MEGF11: variants seen among roughly 807,000 people sequenced by gnomAD.
The protein encoded by MEGF11 is multiple EGF like domains 11, also known as multiple epidermal growth factor-like domains protein 11.
Under a neutral mutation model 146.6 loss-of-function variants are expected in MEGF11, and 126 were observed. The ratio of observed to expected loss-of-function variants is 0.86; its 90% confidence interval spans 0.74 to 1.00. The LOEUF is 1.00. MEGF11 is among the 50% of genes least tolerant of loss of function. The pLI is 0.00. For missense variants in MEGF11, 1,509 were observed against 1,521.2 expected, an observed-to-expected ratio of 0.99 and a Z score of 0.13; for synonymous variants, 532 against 583.4, an observed-to-expected ratio of 0.91 and a Z score of 1.27.
intron 21 of MEGF11, 173 bp from the exon 22 acceptor site, chr15:65,909,979 G>C (rs1484738850): frequency 4.3e-6 from 3 of 703,164 alleles, no homozygotes; most frequent in Admixed American, 4.0e-5. Flanking sequence ...ACCATGGTGT[G>C]GTTGATGCTA....
At chr15:65,942,974 CTTTTTTTTT>C (rs58874869) in intron 10 of MEGF11, among the ~76,000 whole-genome samples, 1,841 of 47,670 alleles carry the variant, frequency 0.039, 66 homozygotes, top group African/African-American at 0.14. Context: ...AACAACTTGG[CTTTTTTTTT>C]TTTTTTTTTT....
intron 10 of MEGF11, among the ~76,000 whole-genome samples, chr15:65,939,640 G>A (rs1170166233): frequency 1.3e-5 from 2 of 151,954 alleles, no homozygotes; most frequent in Non-Finnish European, 1.5e-5. Context: ...CATTACAGGC[G>A]CATGCCACCA....
At position 65,909,765 on chromosome 15, in the gene MEGF11, GGTCC is replaced by G; in HGVS notation, c.2867_2870del (p.Trp956SerfsTer6). 6.3e-7 allele frequency: 1 copy of G among 1,585,004 alleles called. No homozygotes were observed. The highest frequency in any genetic ancestry group is 8.5e-7 in the Non-Finnish European group (1 of 1,173,362). ...CTAACACGTTCACATAGCTGTAGGG[GGTCC>G]AGCCTGCTGTGTCTCTGTCAAGGGA... On this transcript the variant is annotated frameshift_variant, in exon 22 of 26. Transcript: ENST00000395614. LOFTEE classifies it high-confidence loss of function.
At chr15:65,945,575 ATCACAGCCCTCAGAGGGCAG>A (rs1235948747) in intron 10 of MEGF11, among the ~76,000 whole-genome samples, 1 of 152,156 alleles carries the variant, frequency 6.6e-6, no homozygotes, top group East Asian at 1.9e-4. Context: ...CGGTGGCACC[ATCACAGCCCTCAGAGGGCAG>A]TGAGAGCACA....
chr15:66,101,007 G>A (rs1394587580), intron 4 of MEGF11, among the ~76,000 whole-genome samples: 2 of 144,828 alleles, frequency 1.4e-5, no homozygotes, highest in Admixed American at 1.4e-4. Flanking sequence ...GGGTGGATGG[G>A]CACGTGGGTG....
At chr15:66,193,786 A>G (rs1424701643) in intron 1 of MEGF11, among the ~76,000 whole-genome samples, 2 of 152,004 alleles carry the variant, frequency 1.3e-5, no homozygotes, top group Admixed American at 6.6e-5. Context: ...AAACTAATAT[A>G]CAGCCATATA....
chr15:66,011,343 C>T (rs1462966203), intron 5 of MEGF11, among the ~76,000 whole-genome samples: 1 of 152,160 alleles, frequency 6.6e-6, no homozygotes, highest in Non-Finnish European at 1.5e-5. Context: ...AAGCCATTGC[C>T]CAGCTATGGG....
chr15:66,047,625 T>C (rs1019066824), intron 5 of MEGF11, among the ~76,000 whole-genome samples: 15 of 152,250 alleles, frequency 9.9e-5, no homozygotes, highest in Admixed American at 2.6e-4. Flanking sequence ...ATGTCCTTAC[T>C]GTTTTTAATC....
At chr15:66,042,679 A>G (rs527461094) in intron 5 of MEGF11, among the ~76,000 whole-genome samples, 360 of 152,300 alleles carry the variant, frequency 2.4e-3, no homozygotes, top group Middle Eastern at 6.8e-3. Context: ...CTGTTAGGGC[A>G]GTCCCTCCTC....
intron 11 of MEGF11, 84 bp from the exon 12 acceptor site, chr15:65,929,967 C>T: frequency 7.5e-7 from 1 of 1,326,128 alleles, no homozygotes; most frequent in South Asian, 1.4e-5. Flanking sequence ...CTGCACACAG[C>T]ATTCCACCCA....
At chr15:66,187,383 C>T (rs1191398043) in intron 1 of MEGF11, among the ~76,000 whole-genome samples, 1 of 152,194 alleles carries the variant, frequency 6.6e-6, no homozygotes, top group Non-Finnish European at 1.5e-5. Context: ...GCCCAGCTCC[C>T]TGTCCACTGG....
chr15:66,114,439 G>C (rs920467838), intron 4 of MEGF11, among the ~76,000 whole-genome samples: 1 of 152,208 alleles, frequency 6.6e-6, no homozygotes, highest in Admixed American at 6.5e-5. Flanking sequence ...GACGTTGTCT[G>C]TTACCGCAGC....
chr15:65,980,395 CTTTTTT>C (rs60154748), intron 7 of MEGF11, among the ~76,000 whole-genome samples: 37 of 88,196 alleles, frequency 4.2e-4, no homozygotes, highest in African/African-American at 7.9e-4. Context: ...AAGAATTCAG[CTTTTTT>C]TTTTTTTTTT....
chr15:66,182,050 G>A (rs185452583), intron 1 of MEGF11, among the ~76,000 whole-genome samples: 88 of 152,192 alleles, frequency 5.8e-4, no homozygotes, highest in Admixed American at 1.1e-3. Context: ...GTCATTGGGC[G>A]GCCCCCTCCC....
chr15:66,095,725 C>T (rs1348746987), intron 4 of MEGF11, among the ~76,000 whole-genome samples: 1 of 152,210 alleles, frequency 6.6e-6, no homozygotes, highest in Non-Finnish European at 1.5e-5. Flanking sequence ...CCCCACTGGT[C>T]AGTGGTCTGG....
intron 5 of MEGF11, among the ~76,000 whole-genome samples, chr15:66,065,148 T>G (rs931015234): frequency 6.6e-6 from 1 of 152,100 alleles, no homozygotes; most frequent in Non-Finnish European, 1.5e-5. Flanking sequence ...GATGCACCCA[T>G]TGTCAGAGCA....
Position 65,928,462 on chromosome 15 carries a change from G to A in MEGF11, c.1638C>T (p.Pro546=), listed in dbSNP as rs368624363. The A allele has an allele frequency of 1.7e-5, 28 of 1,603,196 alleles. No homozygotes were observed. The highest frequency in any genetic ancestry group is 8.0e-5 in the African/African-American group (6 of 74,792). ...CCAGGCAGCAGCAGTGGCCTGTGACGGGGTCACATCCATCAGCATGGCTGC... is the reference window on the plus strand; with the variant it reads ...CCAGGCAGCAGCAGTGGCCTGTGACAGGGTCACATCCATCAGCATGGCTGC... ...CDCSHADGCD[P]VTGHCCCLAG... Residue 546 remains proline, a synonymous_variant, in exon 13 of 26, where the codon CCC becomes CCT. Transcript: ENST00000395614.
intron 4 of MEGF11, among the ~76,000 whole-genome samples, chr15:66,113,256 A>G (rs2140875827): frequency 6.6e-6 from 1 of 151,866 alleles, no homozygotes; most frequent in East Asian, 1.9e-4. Context: ...GGGACAACCT[A>G]TGCTCCCCAA....
At chr15:65,947,308 C>T (rs910643672) in intron 10 of MEGF11, among the ~76,000 whole-genome samples, 53 of 152,150 alleles carry the variant, frequency 3.5e-4, no homozygotes, top group Middle Eastern at 3.4e-3. Flanking sequence ...GAAGCTTGAG[C>T]GCAGGGCTAG....
Sources: allele counts gnomAD v4.1 joint callset (sites outside exome capture counted in the v4.1 genomes callset), GRCh38; gene constraint gnomAD v4.1.1; transcripts MANE v1.5; gene names NCBI Gene and HGNC (gene_info 2026-07-23, HGNC 2026-07-21).